The following LONRF2 variants were observed in gnomAD, a reference collection of about 807,000 sequenced individuals.
LONRF2 encodes the protein LON peptidase N-terminal domain and RING finger protein 2.
A neutral mutation model predicts 66.6 loss-of-function variants in LONRF2; 35 were observed. The observed-to-expected ratio is 0.53, with a 90% confidence interval of 0.40 to 0.70. The LOEUF (loss-of-function observed/expected upper bound fraction) is 0.70, where lower values mean the gene tolerates loss of function less well. Among genes scored for constraint, LONRF2 ranks in the 30% least tolerant of loss-of-function variants. The probability of loss-of-function intolerance (pLI) is 0.00; values close to 1 mark genes in which losing one functional copy is unlikely to be tolerated. For missense variants in LONRF2, 902 were observed against 1,002.1 expected, an observed-to-expected ratio of 0.90 and a Z score of 1.35; for synonymous variants, 417 against 418.1, an observed-to-expected ratio of 1.00 and a Z score of 0.03.
In LONRF2 at chr2:100,275,266, C is replaced by T. The variant is rs941832025; in HGVS notation, c.*9032G>A. The T allele has an allele frequency of 2.0e-5, 3 of 152,298 alleles. No homozygotes were observed. 9.4% of individuals were successfully genotyped at this position (152,298 alleles called of 1,614,324 possible). ...CTCTGAATTCCCTACCTGGACATAC[C>T]TACTTTCTTGGCTGGTGGTCTCAGG... On this transcript the variant is annotated 3_prime_UTR_variant, in exon 12 of 12. Transcript: ENST00000393437.
In LONRF2 at chr2:100,294,416, G is replaced by C. The variant is rs776539695; in HGVS notation, c.1599-29C>G. On this transcript the variant is annotated intron_variant, in intron 8 of 11. Transcript: ENST00000393437. ...CAGAGCAAGGGGACATGTTATCTCAGATGTATGAGCTGTTAGATCAGAGGG... is the reference window on the plus strand; with the variant it reads ...CAGAGCAAGGGGACATGTTATCTCACATGTATGAGCTGTTAGATCAGAGGG... 4 of 1,530,570 alleles carry C rather than the reference G, an allele frequency of 2.6e-6. No individual in the cohort carries two copies. The African/African-American group carries it at 4.2e-5, about 16-fold the overall frequency. 94.8% of individuals were successfully genotyped at this position (1,530,570 alleles called of 1,614,324 possible).
In LONRF2 at chr2:100,300,778, C is replaced by T. The variant is rs116221236; in HGVS notation, c.931G>A (p.Glu311Lys). 1.9e-6 allele frequency: 3 copies of T among 1,585,416 alleles called. No individual in the cohort carries two copies. Among genetic ancestry groups the T allele is most frequent in the Non-Finnish European group, 2.6e-6 (3 of 1,171,806 alleles). ...VKKEAQKVMC[E>K]VLFSATANVH... ...TTTGCTGTAGCTGAAAACAGCACTT[C>T]ACACATTACCTATAAAATTGCCAAG... Residue 311 changes from glutamate to lysine, a missense_variant, in exon 4 of 12, where the codon GAA becomes AAA. By Grantham distance (56) the Glu-to-Lys change is moderately conservative (BLOSUM62 1). Around this residue, in one of 2 missense-constraint regions of LONRF2, gnomAD observed 585 missense variants for 569.9 expected, o/e 1.03. Coordinates refer to ENST00000393437, the MANE Select transcript of LONRF2 (RefSeq NM_198461.4).
chr2:100,286,546 C>G (rs7607170), intron 11 of LONRF2, among the ~76,000 whole-genome samples: 95,099 of 152,086 alleles, frequency 0.63, 30,267 homozygotes, highest in East Asian at 0.94. Flanking sequence ...TTCAACATCT[C>G]TATACCAGGT....
intron 9 of LONRF2, among the ~76,000 whole-genome samples, chr2:100,293,701 G>A (rs1483455991): frequency 6.6e-6 from 1 of 152,208 alleles, no homozygotes; most frequent in Non-Finnish European, 1.5e-5. Context: ...TGATTTGGCT[G>A]TAGAGACAGA....
intron 10 of LONRF2, among the ~76,000 whole-genome samples, chr2:100,288,608 A>G (rs1307844644): frequency 6.6e-6 from 1 of 152,204 alleles, no homozygotes; most frequent in Non-Finnish European, 1.5e-5. Context: ...ACTTAGAAAG[A>G]TTCTTCACCA....
At chr2:100,291,947 G>A (rs937460515) in intron 9 of LONRF2, among the ~76,000 whole-genome samples, 10 of 152,182 alleles carry the variant, frequency 6.6e-5, no homozygotes, top group African/African-American at 2.4e-4. Flanking sequence ...GAGGCTCAGA[G>A]GAATTAACTT....
At chr2:100,311,348 G>A (rs1675403717) in intron 1 of LONRF2, among the ~76,000 whole-genome samples, 1 of 132,574 alleles carries the variant, frequency 7.5e-6, no homozygotes, top group Non-Finnish European at 1.7e-5. Flanking sequence ...ATCTTCCAAA[G>A]GAGATTTGGA....
At chr2:100,304,875 C>T (rs1675261063) in intron 2 of LONRF2, among the ~76,000 whole-genome samples, 1 of 150,254 alleles carries the variant, frequency 6.7e-6, no homozygotes, top group African/African-American at 2.4e-5. Context: ...TTGTGATCCA[C>T]CTGCCTTGGC....
intron 1 of LONRF2, among the ~76,000 whole-genome samples, chr2:100,320,047 G>A (rs1326830970): frequency 2.0e-5 from 3 of 152,152 alleles, no homozygotes; most frequent in Non-Finnish European, 4.4e-5. Flanking sequence ...TGCAGTAAAT[G>A]CAAAATATAT....
rs182412399 is a variant in LONRF2, at chr2:100,319,079, G to A, written c.679+2336C>T. Among the ~76,000 whole-genome samples the A allele has an allele frequency of 1.1e-3, 158 of 147,856 alleles. 2 individuals are homozygous for A. The highest frequency in any genetic ancestry group is 4.9e-4 in the Non-Finnish European group (33 of 67,518). On this transcript the variant is annotated intron_variant, in intron 1 of 11. Transcript: ENST00000393437. ...AGGGAGTCGGAGGTTGTAGAGCCACGCCACTACACTTCAGCCTGGTGACAG... is the reference window on the plus strand; with the variant it reads ...AGGGAGTCGGAGGTTGTAGAGCCACACCACTACACTTCAGCCTGGTGACAG...
Position 100,321,579 on chromosome 2 carries a change from G to A in LONRF2, c.515C>T (p.Ala172Val). The change falls in exon 1 of 12, where the codon GCG becomes GTG. Residue 172 changes from alanine to valine, a missense_variant. This residue lies in a region of LONRF2 where 585 missense variants were observed against 569.9 expected (regional missense o/e 1.03). Transcript: ENST00000393437. ...GTTCACGCGCCGCACCTGCGGCCGC[G>A]CGGGCCCTGGCTCCACGCAGCGCTT... ...VCKRCVEPGP[A>V]RPQVRRVNVV... The A allele has an allele frequency of 6.5e-7, 1 of 1,531,144 alleles. No individual in the cohort carries two copies. The highest frequency in any genetic ancestry group is 1.4e-5 in the African/African-American group (1 of 70,026). The allele number at this position is 1,531,144 out of a possible 1,614,324, so 94.8% of individuals were successfully genotyped here.
At chr2:100,285,330 A>ACCTG (rs750369527) in intron 11 of LONRF2, among the ~76,000 whole-genome samples, 62 of 152,332 alleles carry the variant, frequency 4.1e-4, no homozygotes, top group Non-Finnish European at 7.2e-4. Context: ...GAAGACATCA[A>ACCTG]CCTGCCCTTC....
chr2:100,296,351 C>CAGTATAATA (rs1210118743), intron 7 of LONRF2, among the ~76,000 whole-genome samples: 3 of 152,194 alleles, frequency 2.0e-5, no homozygotes, highest in Non-Finnish European at 2.9e-5. Context: ...GTCCTGAAAA[C>CAGTATAATA]AGTATAATAC....
intron 3 of LONRF2, among the ~76,000 whole-genome samples, chr2:100,302,403 C>T (rs1180019973): frequency 1.3e-5 from 2 of 152,128 alleles, no homozygotes; most frequent in African/African-American, 4.8e-5. Context: ...GAAGCGCAAA[C>T]ATAAAAACAT....
rs934633188 is a variant in LONRF2, at chr2:100,283,643, T to C, written c.*655A>G. 2 of 152,170 alleles carry C rather than the reference T, an allele frequency of 1.3e-5. No individual in the cohort carries two copies. The highest frequency in any genetic ancestry group is 4.8e-5 in the African/African-American group (2 of 41,430). 9.4% of individuals were successfully genotyped at this position (152,170 alleles called of 1,614,324 possible). ...GGTTTTTCTATATCCAAGGTATACT[T>C]TCTTATGTTTTGACATTCGTTTGAT... is the stretch of plus-strand genomic sequence containing the variant. On this transcript the variant is annotated 3_prime_UTR_variant, in exon 12 of 12. Coordinates refer to ENST00000393437, the MANE Select transcript of LONRF2 (RefSeq NM_198461.4).
chr2:100,318,967 TAA>T (rs777179981), intron 1 of LONRF2, among the ~76,000 whole-genome samples: 7 of 151,146 alleles, frequency 4.6e-5, no homozygotes, highest in Non-Finnish European at 7.4e-5. Context: ...CTGTCTCTAC[TAA>T]AAATACAAAA....
In LONRF2 at chr2:100,275,991, A is replaced by G. The variant is rs1477321991; in HGVS notation, c.*8307T>C. ...TTAACGCAAATATATAATAAATTGT[A>G]CATGTATATGTACATATGCAGCTAA... is the stretch of plus-strand genomic sequence containing the variant. On this transcript the variant is annotated 3_prime_UTR_variant, in exon 12 of 12. Transcript: ENST00000393437. The G allele has an allele frequency of 1.3e-5, 2 of 152,242 alleles. No individual in the cohort carries two copies. The highest frequency in any genetic ancestry group is 2.9e-5 in the Non-Finnish European group (2 of 68,050). The allele number at this position is 152,242 out of a possible 1,614,324, so 9.4% of individuals were successfully genotyped here.
chr2:100,316,349 T>TTTCTAATCATTATTAGAAATTCTAATAA (rs1675507836), intron 1 of LONRF2, among the ~76,000 whole-genome samples: 1 of 140,496 alleles, frequency 7.1e-6, no homozygotes, highest in African/African-American at 3.0e-5. Flanking sequence ...GAAAGAAAAT[T>TTTCTAATCATTATTAGAAATTCTAATAA]TTCTAATAAT....
In LONRF2 at chr2:100,299,928, T is replaced by G; in HGVS notation, c.1066-10A>C. The G allele has an allele frequency of 6.4e-7, 1 of 1,550,462 alleles. No individual in the cohort carries two copies. The highest frequency in any genetic ancestry group is 8.8e-7 in the Non-Finnish European group (1 of 1,140,004). On this transcript the variant is annotated splice_polypyrimidine_tract_variant and intron_variant, in intron 4 of 11. Transcript: ENST00000393437. Reference sequence around the variant, plus strand: ...ATTTCTCAGATGAATTCTGGTTAAGTGGGAAAAAAAGGAATCCTGAGTATT... The same window carrying G: ...ATTTCTCAGATGAATTCTGGTTAAGGGGGAAAAAAAGGAATCCTGAGTATT...
Sources: gnomAD v4.1 joint callset for allele counts (sites outside exome capture counted in the v4.1 genomes callset) on GRCh38, gnomAD v4.1.1 for gene constraint, gnomAD v4.1.1 regional missense constraint, MANE v1.5 for transcripts, NCBI Gene and HGNC (gene_info 2026-07-23, HGNC 2026-07-21) for gene names.